RFC4: variants seen among roughly 807,000 people sequenced by gnomAD.
RFC4 encodes the protein A1 37 kDa subunit.
A neutral mutation model predicts 47.6 loss-of-function variants in RFC4; 38 were observed. The ratio of observed to expected loss-of-function variants is 0.80; its 90% CI spans 0.62 to 1.05. The LOEUF is 1.05. Among genes scored for constraint, RFC4 ranks in the 50% least tolerant of loss-of-function variants. The pLI is 0.00. For synonymous variants in RFC4, 164 were observed against 150.0 expected, an observed-to-expected ratio of 1.09 and a Z score of -0.68; for missense variants, 489 against 434.0, an observed-to-expected ratio of 1.13 and a Z score of -1.13.
intron 8 of RFC4, chr3:186,791,520 T>C: frequency 1.7e-6 from 1 of 574,242 alleles, no homozygotes; most frequent in Non-Finnish European, 3.1e-6. Flanking sequence ...TTTTCTTTCC[T>C]GAAATGTCTG....
chr3:186,790,054 TTGTCAAC>T lies in RFC4; in HGVS notation c.1000_1006del (p.Val334AsnfsTer3). The T allele has an allele frequency of 1.2e-6, 2 of 1,613,558 alleles. No individual in the cohort carries two copies. The highest frequency in any genetic ancestry group is 1.7e-6 in the Non-Finnish European group (2 of 1,179,510). On this transcript the variant is annotated frameshift_variant, in exon 11 of 11. Coordinates refer to ENST00000296273, the MANE Select transcript of RFC4 (RefSeq NM_002916.5). LOFTEE classifies it high-confidence loss of function. The stretch of plus-strand genomic sequence containing the variant: ...TTCATCAGCACCATCTGCTAGGCAT[TTGTCAAC>T]TTCCTACGAGAAAAATTTAAGAAAT...
At chr3:186,790,278 TATG>T (rs1722061066) in intron 9 of RFC4, 23 bp from the exon 10 acceptor site, 2 of 1,610,538 alleles carry the variant, frequency 1.2e-6, no homozygotes, top group Non-Finnish European at 1.7e-6. Context: ...AAACTTTTGG[TATG>T]ATGACTTAAT....
At position 186,796,198 on chromosome 3, in the gene RFC4, C is replaced by T. The variant is rs543188703; in HGVS notation, c.290+1337G>A. Among the ~76,000 whole-genome samples the T allele has an allele frequency of 8.5e-6, 1 of 118,102 alleles. No homozygotes were observed. Among genetic ancestry groups the T allele is most frequent in the South Asian group, 2.6e-4 (1 of 3,788 alleles). 77.5% of individuals were successfully genotyped at this position (118,102 alleles called of 152,430 possible). A position where few individuals can be genotyped will look rare whatever the true frequency, so the allele number is the denominator to read the frequency against. ...GCCACAATATTAAATATGAAATTCA[C>T]TGTTAAAGTAAGTTCTTTAAAGACA... On this transcript the variant is annotated intron_variant, in intron 4 of 10. Transcript: ENST00000296273. This position sits in a 1 kb window ranked among gnomAD's most constrained non-coding sequence, Gnocchi z 4.2.
intron 2 of RFC4, among the ~76,000 whole-genome samples, chr3:186,804,351 C>T (rs1386504059): frequency 6.6e-6 from 1 of 151,986 alleles, no homozygotes; most frequent in African/African-American, 2.4e-5. Flanking sequence ...ATGGAAGCCT[C>T]TGCTTGTAGA....
chr3:186,790,083 A>G lies in RFC4; in HGVS notation c.997-19T>C, dbSNP rs1327006750. 3.7e-6 allele frequency: 6 copies of G among 1,609,670 alleles called. No homozygotes were observed. Among genetic ancestry groups the G allele is most frequent in the Non-Finnish European group, 5.1e-6 (6 of 1,176,206 alleles). On this transcript the variant is annotated intron_variant, in intron 10 of 10. Transcript: ENST00000296273. The stretch of plus-strand genomic sequence containing the variant: ...CAACTTCCTACGAGAAAAATTTAAG[A>G]AATTAGCATCCTTCAGGTAGTTAAA...
chr3:186,802,457 T>A (rs1366398561), intron 2 of RFC4, among the ~76,000 whole-genome samples: 1 of 152,242 alleles, frequency 6.6e-6, no homozygotes, highest in Non-Finnish European at 1.5e-5. Context: ...ATATACTTAG[T>A]ATGTGTTAAC....
At chr3:186,800,160 T>C (rs1722323755) in intron 3 of RFC4, among the ~76,000 whole-genome samples, 1 of 152,132 alleles carries the variant, frequency 6.6e-6, no homozygotes, top group Non-Finnish European at 1.5e-5. Flanking sequence ...TTTCACCATG[T>C]TGGCCAGGCT....
In RFC4 at chr3:186,794,704, TCTCTCGAACTA is replaced by T; in HGVS notation, c.353_363del (p.Val118GlufsTer24). The T allele has an allele frequency of 6.2e-7, 1 of 1,614,108 alleles. No homozygotes were observed. The highest frequency in any genetic ancestry group is 8.5e-7 in the Non-Finnish European group (1 of 1,179,984). On this transcript the variant is annotated frameshift_variant, in exon 5 of 11. Transcript: ENST00000296273. LOFTEE classifies it high-confidence loss of function. The stretch of plus-strand genomic sequence containing the variant: ...GTTAATTGAGCAAAATTTTTCACTT[TCTCTCGAACTA>T]CTTGTATTCCACGTTCATCAGATGC...
Position 186,801,191 on chromosome 3 carries a change from G to C in RFC4, c.136C>G (p.Pro46Ala), listed in dbSNP as rs1239332089. The C allele has an allele frequency of 1.2e-6, 2 of 1,613,664 alleles. No homozygotes were observed. The highest frequency in any genetic ancestry group is 8.5e-7 in the Non-Finnish European group (1 of 1,179,762). The part of the protein sequence containing the change: ...KPVPWVEKYR[P>A]KCVDEVAFQE... ...AAAGCAACTTCATCCACACATTTTG[G>C]GCGACTTGCGGGGTGAGAAGGAGGA... is the stretch of plus-strand genomic sequence containing the variant. Residue 46 changes from proline to alanine, a missense_variant, in exon 3 of 11, where the codon CCA becomes GCA. This residue lies in a region of RFC4 where 206 missense variants were observed against 257.8 expected (regional missense o/e 0.80). Transcript: ENST00000296273.
Position 186,789,918 on chromosome 3 carries a change from T to C in RFC4, c.*51A>G. 1 of 1,188,716 alleles carries C rather than the reference T, an allele frequency of 8.4e-7. No homozygotes were observed. The highest frequency in any genetic ancestry group is 1.2e-6 in the Non-Finnish European group (1 of 815,328). The allele number at this position is 1,188,716 out of a possible 1,614,324, so 73.6% of individuals were successfully genotyped here. On this transcript the variant is annotated 3_prime_UTR_variant, in exon 11 of 11. Coordinates refer to ENST00000296273, the MANE Select transcript of RFC4 (RefSeq NM_002916.5). ...TTAAAGGTGCTTTTGGTCATTTTAT[T>C]TTTATTACAACTTCATTATTTACAA...
chr3:186,803,073 T>A (rs938957175), intron 2 of RFC4, among the ~76,000 whole-genome samples: 2 of 152,172 alleles, frequency 1.3e-5, no homozygotes, highest in African/African-American at 4.8e-5. Flanking sequence ...CTGGGCGCAG[T>A]GACTCACGCC....
chr3:186,791,838 G>T lies in RFC4; in HGVS notation c.688C>A (p.Leu230Ile). 1 of 1,612,084 alleles carries T rather than the reference G, an allele frequency of 6.2e-7. No individual in the cohort carries two copies. Among genetic ancestry groups the T allele is most frequent in the Non-Finnish European group, 8.5e-7 (1 of 1,178,392 alleles). The change falls in exon 8 of 11, where the codon CTT becomes ATT. Residue 230 changes from leucine (L) to isoleucine (I), a missense_variant. Coordinates refer to ENST00000296273, the MANE Select transcript of RFC4 (RefSeq NM_002916.5). ...AAGTCTCCTTCTGACACTTTAACAA[G>T]ATAAGCTATTCCCTGAAGAGAAAAG... ...VKISDEGIAYLVKVSEGDLRK... is the reference protein window; with the variant it reads ...VKISDEGIAYIVKVSEGDLRK...
intron 8 of RFC4, among the ~76,000 whole-genome samples, chr3:186,790,848 AAG>A (rs1249765223): frequency 2.6e-5 from 4 of 152,186 alleles, no homozygotes; most frequent in Non-Finnish European, 4.4e-5. Context: ...CAGAAAATTA[AAG>A]AGGATTAGTG....
At chr3:186,790,634 C>A (rs912078236) in intron 8 of RFC4, among the ~76,000 whole-genome samples, 2 of 152,158 alleles carry the variant, frequency 1.3e-5, no homozygotes, top group Non-Finnish European at 2.9e-5. Context: ...TTGTGAACTT[C>A]CAAGTTTGGG....
chr3:186,796,567 C>T lies in RFC4; in HGVS notation c.290+968G>A, dbSNP rs999303203. Among the ~76,000 whole-genome samples, 1 of 152,060 alleles carries T rather than the reference C, an allele frequency of 6.6e-6. No individual in the cohort carries two copies. Among genetic ancestry groups the T allele is most frequent in the African/African-American group, 2.4e-5 (1 of 41,408 alleles). The stretch of plus-strand genomic sequence containing the variant: ...TGATCTCGGCTCACTGCAACCTCTG[C>T]CTCCCAGGTTCAAGTGATTCTCCTG... On this transcript the variant is annotated intron_variant, in intron 4 of 10. Transcript: ENST00000296273. This position sits in a 1 kb window ranked among gnomAD's most constrained non-coding sequence, Gnocchi z 4.2.
Position 186,793,038 on chromosome 3 carries a change from C to A in RFC4, c.411-91G>T. 1 of 1,053,222 alleles carries A rather than the reference C, an allele frequency of 9.5e-7. No homozygotes were observed. Among genetic ancestry groups the A allele is most frequent in the East Asian group, 2.6e-5 (1 of 38,074 alleles). 65.2% of individuals were successfully genotyped at this position (1,053,222 alleles called of 1,614,324 possible). A position where few individuals can be genotyped will look rare whatever the true frequency, so the allele number is the denominator to read the frequency against. On this transcript the variant is annotated intron_variant, in intron 5 of 10. Transcript: ENST00000296273. This position sits in a 1 kb window ranked among gnomAD's most constrained non-coding sequence, Gnocchi z 4.2. ...AAGATACACGTACCATACAATTCACCCATTTAAAATGTACAATTCAGTGTT... is the reference window on the plus strand; with the variant it reads ...AAGATACACGTACCATACAATTCACACATTTAAAATGTACAATTCAGTGTT...
In RFC4 at chr3:186,804,648, T is replaced by C; in HGVS notation, c.66A>G (p.Val22=). The change falls in exon 2 of 11, where the codon GTA becomes GTG. Residue 22 remains valine (V), a synonymous_variant. Transcript: ENST00000296273. ...CTCCGCTACTTCCCGCACTGGCAGCTACTCCTCGATCCTTGGTCAGCGGGG... is the reference window on the plus strand; with the variant it reads ...CTCCGCTACTTCCCGCACTGGCAGCCACTCCTCGATCCTTGGTCAGCGGGG... ...TKPPLTKDRG[V]AASAGSSGEN... 6.2e-7 allele frequency: 1 copy of C among 1,614,164 alleles called. No homozygotes were observed. The highest frequency in any genetic ancestry group is 8.5e-7 in the Non-Finnish European group (1 of 1,180,008).
intron 3 of RFC4, 84 bp downstream of exon 3, chr3:186,801,033 G>A: frequency 8.0e-6 from 8 of 993,974 alleles, no homozygotes; most frequent in South Asian, 5.2e-5. Context: ...ATTTAACGAG[G>A]GCTAGAAGTT....
chr3:186,794,473 C>T (rs1276727847), intron 5 of RFC4, among the ~76,000 whole-genome samples, 185 bp downstream of exon 5: 1 of 152,168 alleles, frequency 6.6e-6, no homozygotes, highest in Non-Finnish European at 1.5e-5. Flanking sequence ...TGGACCTTTG[C>T]CACCTAAGGA....
Sources: gnomAD v4.1 joint callset for allele counts (sites outside exome capture counted in the v4.1 genomes callset) on GRCh38, gnomAD v4.1.1 for gene constraint, gnomAD v4.1.1 regional missense constraint, Gnocchi (gnomAD v3.1) non-coding constraint, MANE v1.5 for transcripts, NCBI Gene and HGNC (gene_info 2026-07-23, HGNC 2026-07-21) for gene names.